Variants in PRKCQ observed in about 807,000 individuals in gnomAD.
PRKCQ encodes the protein protein kinase C theta.
In PRKCQ, 41 loss-of-function variants were observed where a neutral mutation model predicts 91.2. The ratio of observed to expected loss-of-function variants is 0.45; its 90% CI spans 0.35 to 0.58. PRKCQ has a LOEUF of 0.58. Among genes scored for constraint, PRKCQ ranks in the 20% least tolerant of loss-of-function variants. The pLI, the probability that PRKCQ is intolerant of heterozygous loss-of-function variation, is 0.00. For synonymous variants in PRKCQ, 307 were observed against 316.9 expected, an observed-to-expected ratio of 0.97 and a Z score of 0.33; for missense variants, 673 against 896.5, an observed-to-expected ratio of 0.75 and a Z score of 3.18.
At chr10:6,523,047 CAT>C (rs967388672) in intron 1 of PRKCQ, among the ~76,000 whole-genome samples, 1 of 151,870 alleles carries the variant, frequency 6.6e-6, no homozygotes, top group Admixed American at 6.6e-5. Flanking sequence ...AAAAAAATCA[CAT>C]AGTTGGGTAG....
At chr10:6,409,225 A>G in the PRKCQ span, among the ~76,000 whole-genome samples, 2 of 152,202 alleles carry the variant, frequency 1.3e-5, no homozygotes, top group East Asian at 1.9e-4. Flanking sequence ...ACCTTATAGA[A>G]CAGGCATTAA....
chr10:6,419,685 CTTTTTTT>C, the PRKCQ span, among the ~76,000 whole-genome samples: 1 of 108,028 alleles, frequency 9.3e-6, no homozygotes, highest in South Asian at 3.6e-4. Flanking sequence ...CTGAAATCTC[CTTTTTTT>C]TTTTTTTTTT....
the PRKCQ span, among the ~76,000 whole-genome samples, chr10:6,406,725 G>A: frequency 1.3e-5 from 2 of 152,104 alleles, no homozygotes; most frequent in Admixed American, 6.5e-5. Context: ...AAGATGTGCC[G>A]CCTGAGGCAC....
intron 8 of PRKCQ, among the ~76,000 whole-genome samples, chr10:6,488,868 C>A (rs1454047721): frequency 2.0e-5 from 3 of 152,142 alleles, no homozygotes; most frequent in Non-Finnish European, 4.4e-5. Context: ...CAGCCTCAAA[C>A]CCCTGGGTTC....
chr10:6,522,617 C>T (rs1255196104), intron 1 of PRKCQ, among the ~76,000 whole-genome samples: 1 of 152,168 alleles, frequency 6.6e-6, no homozygotes, highest in African/African-American at 2.4e-5. Context: ...TTCTCTTCCT[C>T]AGTAGCAAAT....
chr10:6,574,247 G>A (rs1841145098), intron 1 of PRKCQ, among the ~76,000 whole-genome samples: 1 of 152,238 alleles, frequency 6.6e-6, no homozygotes, highest in Admixed American at 6.5e-5. Context: ...CAAGCCGAGT[G>A]CTGTGAGTTC....
chr10:6,483,371 C>A, intron 11 of PRKCQ, 69 bp downstream of exon 11: 2 of 1,592,724 alleles, frequency 1.3e-6, no homozygotes, highest in Admixed American at 3.4e-5. Context: ...AGTTTAATTT[C>A]TTTGACCAGG....
rs1442761571 is a variant in PRKCQ, at chr10:6,576,816, A to C, written c.-10+3395T>G. 6.6e-6 allele frequency among the ~76,000 whole-genome samples: 1 copy of C among 151,882 alleles called. No homozygotes were observed. Among genetic ancestry groups the C allele is most frequent in the Non-Finnish European group, 1.5e-5 (1 of 68,024 alleles). ...TAATCTGGATGGTCCAACTAACCTG[A>C]CTCTACCACTGACTGGTTATAAGAC... On this transcript the variant is annotated intron_variant, in intron 1 of 17. Coordinates refer to ENST00000263125, the MANE Select transcript of PRKCQ (RefSeq NM_006257.5). This position sits in a 1 kb window ranked among gnomAD's most constrained non-coding sequence, Gnocchi z 4.2.
intron 14 of PRKCQ, among the ~76,000 whole-genome samples, chr10:6,460,696 G>A (rs956700760): frequency 3.3e-5 from 5 of 151,986 alleles, no homozygotes; most frequent in South Asian, 4.2e-4. Flanking sequence ...TTGTCATGTC[G>A]GCCAGGCTGG....
intron 14 of PRKCQ, among the ~76,000 whole-genome samples, chr10:6,460,434 GTCTC>G (rs936685318): frequency 1.2e-4 from 18 of 150,914 alleles, no homozygotes; most frequent in East Asian, 1.2e-3. Flanking sequence ...TAAGATCTCT[GTCTC>G]TCTCTCTCTC....
chr10:6,472,280 G>A (rs578229822), intron 12 of PRKCQ, among the ~76,000 whole-genome samples: 1 of 151,960 alleles, frequency 6.6e-6, no homozygotes, highest in African/African-American at 2.4e-5. Context: ...TGCACTCCAG[G>A]CTGGGCGACA....
intron 1 of PRKCQ, among the ~76,000 whole-genome samples, chr10:6,563,852 G>T (rs1840726817): frequency 1.3e-5 from 2 of 152,230 alleles, no homozygotes; most frequent in Admixed American, 6.5e-5. Context: ...GTGCAGTTGG[G>T]GAGGGAGGAA....
chr10:6,397,476 C>T, the PRKCQ span, among the ~76,000 whole-genome samples: 1 of 152,138 alleles, frequency 6.6e-6, no homozygotes, highest in Non-Finnish European at 1.5e-5. Context: ...ATTGCATTAT[C>T]AGATATATTA....
At chr10:6,466,510 A>C (rs2130720158) in intron 12 of PRKCQ, among the ~76,000 whole-genome samples, 1 of 152,348 alleles carries the variant, frequency 6.6e-6, no homozygotes, top group Non-Finnish European at 1.5e-5. Flanking sequence ...TAACCCTCCC[A>C]AGAGAACTGC....
chr10:6,554,391 AAT>A (rs57139666), intron 1 of PRKCQ, among the ~76,000 whole-genome samples: 38,432 of 151,962 alleles, frequency 0.25, 5,443 homozygotes, highest in African/African-American at 0.4. Context: ...GAAGTGAGAC[AAT>A]ATGAGAACAG....
At chr10:6,562,195 G>A (rs1052091846) in intron 1 of PRKCQ, among the ~76,000 whole-genome samples, 2 of 152,282 alleles carry the variant, frequency 1.3e-5, no homozygotes, top group African/African-American at 4.8e-5. Flanking sequence ...ACTCATCTGT[G>A]TGGTTCTCCT....
At chr10:6,478,872 C>A (rs1164954446) in intron 12 of PRKCQ, 120 bp downstream of exon 12, 1 of 1,164,130 alleles carries the variant, frequency 8.6e-7, no homozygotes, top group Non-Finnish European at 1.2e-6. Flanking sequence ...ATGGCAGGTA[C>A]ACCGAAATGT....
intron 15 of PRKCQ, among the ~76,000 whole-genome samples, chr10:6,451,510 T>C (rs535460315): frequency 6.6e-6 from 1 of 152,304 alleles, no homozygotes; most frequent in Admixed American, 6.5e-5. Flanking sequence ...AAGGAGGAAC[T>C]GGTACCATTC....
chr10:6,415,341 C>T, the PRKCQ span, among the ~76,000 whole-genome samples: 22,192 of 147,920 alleles, frequency 0.15, 2,276 homozygotes, highest in Middle Eastern at 0.24. Context: ...ACGATACCAA[C>T]ACATATTGTA....
Sources: allele counts gnomAD v4.1 joint callset (sites outside exome capture counted in the v4.1 genomes callset), GRCh38; gene constraint gnomAD v4.1.1; non-coding constraint Gnocchi (gnomAD v3.1); transcripts MANE v1.5; gene names NCBI Gene and HGNC (gene_info 2026-07-23, HGNC 2026-07-21).